HNRNPA2B1: variants seen among roughly 807,000 people sequenced by gnomAD.
HNRNPA2B1 encodes the protein heterogeneous nuclear ribonucleoproteins A2/B1.
A neutral mutation model predicts 46.3 loss-of-function variants in HNRNPA2B1; 3 were observed. The ratio of observed to expected loss-of-function variants is 0.06; its 90% CI spans 0.03 to 0.17. The LOEUF (loss-of-function observed/expected upper bound fraction) is 0.17, where lower values mean the gene tolerates loss of function less well. HNRNPA2B1 is among the 10% of genes least tolerant of loss of function. The pLI is 1.00. For synonymous variants in HNRNPA2B1, 225 were observed against 133.8 expected (o/e 1.68, Z -4.70); for missense variants, 221 against 418.9 (o/e 0.53, Z 4.12).
chr7:26,197,180 A>G, intron 3 of HNRNPA2B1, 135 bp downstream of exon 3: 1 of 1,217,780 alleles, frequency 8.2e-7, no homozygotes, highest in Non-Finnish European at 1.2e-6. Context: ...TAGCTTAAGA[A>G]AATGGTCCAG....
rs1164531903 is a variant in HNRNPA2B1 at position 26,196,547 on chromosome 7, T to C, written c.577+10A>G. The C allele has an allele frequency of 6.2e-7, 1 of 1,612,634 alleles. No individual in the cohort carries two copies. The highest frequency in any genetic ancestry group is 1.3e-5 in the African/African-American group (1 of 74,836). The stretch of plus-strand genomic sequence containing the variant: ...GAACAAAAATAAAGAAGAAACAGAA[T>C]TAAAATTACCTCCTCTTCCACTCCT... On this transcript the variant is annotated intron_variant, in intron 5 of 10. Transcript: ENST00000618183.
chr7:26,198,614 C>T (rs1166026819), intron 1 of HNRNPA2B1: 1 of 152,232 alleles, frequency 6.6e-6, no homozygotes, highest in African/African-American at 2.4e-5. Flanking sequence ...AAACAATTTT[C>T]CAAGTCAATA....
rs760367332 is a variant in HNRNPA2B1, at chr7:26,196,702, A to T, written c.476-44T>A. 1.1e-5 allele frequency: 17 copies of T among 1,574,444 alleles called. No individual in the cohort carries two copies. The East Asian group carries it at 3.8e-4, about 35-fold the overall frequency. ...ACTCCTTTTAAATTAAATCAACAAT[A>T]TTAAGCAGCTTCAAAAGTTTACCTT... On this transcript the variant is annotated intron_variant, in intron 4 of 10. Transcript: ENST00000618183.
At position 26,200,558 on chromosome 7, in the gene HNRNPA2B1, T is replaced by A; in HGVS notation, c.6+14A>T. 1 of 1,613,174 alleles carries A rather than the reference T, an allele frequency of 6.2e-7. No homozygotes were observed. Among genetic ancestry groups the A allele is most frequent in the Non-Finnish European group, 8.5e-7 (1 of 1,179,968 alleles). ...ATGCCCTTTTCAATAACTCATTGAT[T>A]TCAAACCCGTTACCTCCATCGCGGA... On this transcript the variant is annotated intron_variant, in intron 1 of 10. Transcript: ENST00000618183.
chr7:26,191,206 AGGAAAAAAAG>A lies in HNRNPA2B1; in HGVS notation c.*1144_*1153del, dbSNP rs1173880374. ...TGGAGGGGGAGGGGGTGGGAAAAGA[AGGAAAAAAAG>A]GGAAAAACAACCAAAATAATTTAAG... On this transcript the variant is annotated 3_prime_UTR_variant, in exon 11 of 11. Coordinates refer to ENST00000618183, the MANE Select transcript of HNRNPA2B1 (RefSeq NM_002137.4). 1 of 152,486 alleles carries A rather than the reference AGGAAAAAAAG, an allele frequency of 6.6e-6. No individual in the cohort carries two copies. The highest frequency in any genetic ancestry group is 1.5e-5 in the Non-Finnish European group (1 of 67,986). 9.4% of individuals were successfully genotyped at this position (152,486 alleles called of 1,614,324 possible).
rs369698653 is a variant in HNRNPA2B1, at chr7:26,194,925, C to G, written c.721+922G>C. ...CCTGACCAACATGGGGAAACCCCGT[C>G]TCTACTAAAAATACTAAAATTAGCT... On this transcript the variant is annotated intron_variant, in intron 7 of 10. Coordinates refer to ENST00000618183, the MANE Select transcript of HNRNPA2B1 (RefSeq NM_002137.4). 1.4e-3 allele frequency among the ~76,000 whole-genome samples: 215 copies of G among 151,660 alleles called. 1 individual carries two copies. Among genetic ancestry groups the G allele is most frequent in the African/African-American group, 5.1e-3 (210 of 41,384 alleles).
rs776038560 is a variant in HNRNPA2B1 at position 26,200,557 on chromosome 7, T to C, written c.6+15A>G. On this transcript the variant is annotated intron_variant, in intron 1 of 10. Coordinates refer to ENST00000618183, the MANE Select transcript of HNRNPA2B1 (RefSeq NM_002137.4). ...CATGCCCTTTTCAATAACTCATTGATTTCAAACCCGTTACCTCCATCGCGG... is the reference window on the plus strand; with the variant it reads ...CATGCCCTTTTCAATAACTCATTGACTTCAAACCCGTTACCTCCATCGCGG... 1.4e-5 allele frequency: 22 copies of C among 1,613,170 alleles called. No homozygotes were observed. Among genetic ancestry groups the C allele is most frequent in the East Asian group, 8.9e-5 (4 of 44,890 alleles).
chr7:26,193,169 A>T, intron 9 of HNRNPA2B1, 82 bp downstream of exon 9: 4 of 1,350,858 alleles, frequency 3.0e-6, no homozygotes, highest in African/African-American at 1.5e-5. Flanking sequence ...CAAACTACTT[A>T]GTATGTTATC....
intron 1 of HNRNPA2B1, chr7:26,199,147 G>C (rs949066390): frequency 2.0e-5 from 3 of 152,464 alleles, no homozygotes; most frequent in African/African-American, 7.2e-5. Context: ...TTTATAACAA[G>C]TTTTACAAAT....
intron 9 of HNRNPA2B1, among the ~76,000 whole-genome samples, 192 bp downstream of exon 9, chr7:26,193,059 C>A (rs557744949): frequency 1.3e-5 from 2 of 152,218 alleles, no homozygotes; most frequent in South Asian, 4.1e-4. Context: ...ATCCCTAATC[C>A]CAATTTGATG....
chr7:26,195,229 T>C (rs2128116933), intron 7 of HNRNPA2B1, among the ~76,000 whole-genome samples: 1 of 150,680 alleles, frequency 6.6e-6, no homozygotes, highest in Non-Finnish European at 1.5e-5. Context: ...TGAGATACAC[T>C]ATTTAGTCAT....
At chr7:26,192,431 G>T in intron 10 of HNRNPA2B1, 64 bp downstream of exon 10, 1 of 1,063,180 alleles carries the variant, frequency 9.4e-7, no homozygotes, top group Non-Finnish European at 1.5e-6. Flanking sequence ...ATCCTAAAAA[G>T]CTTTTACTCC....
chr7:26,195,245 T>C (rs1045602785), intron 7 of HNRNPA2B1, among the ~76,000 whole-genome samples: 13 of 152,170 alleles, frequency 8.5e-5, no homozygotes, highest in Non-Finnish European at 1.5e-4. Context: ...GTCATGCCTA[T>C]TGAGTGGCAA....
At chr7:26,192,885 A>G (rs980062232) in intron 9 of HNRNPA2B1, among the ~76,000 whole-genome samples, 2 of 152,210 alleles carry the variant, frequency 1.3e-5, no homozygotes, top group Non-Finnish European at 2.9e-5. Context: ...TCCTAGCTAA[A>G]AACCTCAAAA....
Position 26,191,753 on chromosome 7 carries a change from TTATACAAA to T in HNRNPA2B1, c.*599_*606del, listed in dbSNP as rs1004340595. The T allele has an allele frequency of 1.3e-5, 2 of 152,456 alleles. No individual in the cohort carries two copies. The highest frequency in any genetic ancestry group is 2.9e-5 in the Non-Finnish European group (2 of 68,036). 9.4% of individuals were successfully genotyped at this position (152,456 alleles called of 1,614,324 possible). On this transcript the variant is annotated 3_prime_UTR_variant, in exon 11 of 11. Transcript: ENST00000618183. Reference sequence around the variant, plus strand: ...CACTTACATCTGACCAGCATTTATCTTATACAAATATAACAACAGCTTTGCAACGGACC... The same window carrying T: ...CACTTACATCTGACCAGCATTTATCTTATAACAACAGCTTTGCAACGGACC...
intron 7 of HNRNPA2B1, 139 bp downstream of exon 7, chr7:26,195,708 A>G (rs1267068410): frequency 6.8e-6 from 6 of 885,104 alleles, no homozygotes; most frequent in Non-Finnish European, 8.4e-6. Context: ...CTACTTAGAA[A>G]TAACTGGACC....
chr7:26,191,268 T>C lies in HNRNPA2B1; in HGVS notation c.*1092A>G, dbSNP rs747874980. The C allele has an allele frequency of 6.6e-6, 1 of 152,186 alleles. No individual in the cohort carries two copies. The highest frequency in any genetic ancestry group is 2.4e-5 in the African/African-American group (1 of 41,436). The allele number at this position is 152,186 out of a possible 1,614,324, so 9.4% of individuals were successfully genotyped here. On this transcript the variant is annotated 3_prime_UTR_variant, in exon 11 of 11. Coordinates refer to ENST00000618183, the MANE Select transcript of HNRNPA2B1 (RefSeq NM_002137.4). The stretch of plus-strand genomic sequence containing the variant: ...AAATGACAGATTGGAAAACAGGGTT[T>C]ATAAAAATTATTCTCTTGAGTTTAT...
Position 26,191,124 on chromosome 7 carries a change from C to G in HNRNPA2B1, c.*1236G>C, listed in dbSNP as rs1201521605. 2.4e-5 allele frequency: 3 copies of G among 126,470 alleles called. No individual in the cohort carries two copies. Among genetic ancestry groups the G allele is most frequent in the Non-Finnish European group, 4.8e-5 (3 of 62,528 alleles). The allele number at this position is 126,470 out of a possible 1,614,324, so 7.8% of individuals were successfully genotyped here. ...GAATATACTTGTCCATGGTTCATAT[C>G]AATGCTAAAATTCCGGCAGGGAAAA... On this transcript the variant is annotated 3_prime_UTR_variant, in exon 11 of 11. Coordinates refer to ENST00000618183, the MANE Select transcript of HNRNPA2B1 (RefSeq NM_002137.4).
chr7:26,197,271 A>T, intron 3 of HNRNPA2B1, 44 bp downstream of exon 3: 1 of 1,553,110 alleles, frequency 6.4e-7, no homozygotes. Context: ...TCAGCAGGGC[A>T]GCGTTCTTCA....
Sources: gnomAD v4.1 joint callset for allele counts (sites outside exome capture counted in the v4.1 genomes callset) on GRCh38, gnomAD v4.1.1 for gene constraint, MANE v1.5 for transcripts, NCBI Gene and HGNC (gene_info 2026-07-23, HGNC 2026-07-21) for gene names.